IL10RB: variants seen among roughly 807,000 people sequenced by gnomAD.
IL10RB encodes the protein interleukin 10 receptor subunit beta, also known as interleukin-10 receptor subunit beta.
In IL10RB, 30 loss-of-function variants were observed where a neutral mutation model predicts 38.7. The ratio of observed to expected loss-of-function variants is 0.78; its 90% CI spans 0.58 to 1.05. The LOEUF is 1.05. Ranked by LOEUF, IL10RB falls within the 50% of genes least tolerant of loss-of-function variation. IL10RB has a pLI of 0.00. For missense variants in IL10RB, 328 were observed against 397.1 expected, an observed-to-expected ratio of 0.83 and a Z score of 1.48; for synonymous variants, 142 against 145.9, an observed-to-expected ratio of 0.97 and a Z score of 0.19.
At chr21:33,289,240 T>C (rs1989437064) in intron 6 of IL10RB, among the ~76,000 whole-genome samples, 2 of 152,142 alleles carry the variant, frequency 1.3e-5, no homozygotes, top group South Asian at 2.1e-4. Context: ...AGTGCCTCAT[T>C]CCTGAAGGCA....
intron 6 of IL10RB, among the ~76,000 whole-genome samples, chr21:33,290,762 G>A (rs1286246512): frequency 6.6e-6 from 1 of 152,222 alleles, no homozygotes; most frequent in Non-Finnish European, 1.5e-5. Context: ...GCTGGGTGGT[G>A]CAGGGTGGGA....
At chr21:33,303,350 CTTTT>C (rs11340111) in intron 1 of IL10RB, among the ~76,000 whole-genome samples, 195 of 109,944 alleles carry the variant, frequency 1.8e-3, no homozygotes, top group South Asian at 6.2e-3. Flanking sequence ...CTGTTACTTT[CTTTT>C]TTTTTTTTTT....
intron 1 of IL10RB, 136 bp downstream of exon 1, chr21:33,266,650 C>G (rs977914304): frequency 3.6e-6 from 3 of 842,286 alleles, no homozygotes; most frequent in Non-Finnish European, 5.5e-6. Flanking sequence ...GCAAACGCCA[C>G]GGCCGGCTGC....
downstream of IL10RB, among the ~76,000 whole-genome samples, chr21:33,298,646 T>G (rs2082977115): frequency 6.6e-6 from 1 of 152,154 alleles, no homozygotes; most frequent in Admixed American, 6.5e-5. Context: ...AATAAAAAAT[T>G]ATTTTTGAAA....
At chr21:33,276,784 A>G (rs1989179701) in intron 3 of IL10RB, 31 bp downstream of exon 3, 2 of 1,597,190 alleles carry the variant, frequency 1.3e-6, no homozygotes, top group Non-Finnish European at 1.7e-6. Context: ...TTTTTTTGTA[A>G]TGTCATCATC....
chr21:33,293,958 CA>C, intron 6 of IL10RB: 1 of 470,906 alleles, frequency 2.1e-6, no homozygotes, highest in East Asian at 6.9e-5. Flanking sequence ...AACTGAGAAC[CA>C]AAAGGAAACA....
At position 33,283,169 on chromosome 21, in the gene IL10RB, C is replaced by T. The variant is rs771531217; in HGVS notation, c.574C>T (p.Arg192Ter). ...EPWTTYCVQV[R>*]GFLPDRNKAG... ...ATGGACAACTTATTGTGTTCAAGTT[C>T]GAGGGTTTCTTCCTGATCGGAACAA... Residue 192 changes from arginine (R) to a stop codon, truncating the protein, a stop_gained, in exon 5 of 7, where the codon CGA (arginine) becomes TGA (stop). Coordinates refer to ENST00000290200, the MANE Select transcript of IL10RB (RefSeq NM_000628.5). LOFTEE classifies it high-confidence loss of function. The T allele has an allele frequency of 1.3e-5, 21 of 1,613,754 alleles. No homozygotes were observed. Among genetic ancestry groups the T allele is most frequent in the Admixed American group, 1.0e-4 (6 of 59,974 alleles).
In IL10RB at chr21:33,297,076, G is replaced by A. The variant is rs1058867; in HGVS notation, c.*719G>A. ...TTATGGATGGACTGATCTGAAAATC[G>A]ACCTCAACTCAAGGGTGGTCAGCTC... On this transcript the variant is annotated 3_prime_UTR_variant, in exon 7 of 7. Coordinates refer to ENST00000290200, the MANE Select transcript of IL10RB (RefSeq NM_000628.5). The A allele has an allele frequency of 0.54, 86,610 of 160,450 alleles. 24,635 individuals are homozygous for A. Among genetic ancestry groups the A allele is most frequent in the East Asian group, 0.74 (4,124 of 5,566 alleles). The allele number at this position is 160,450 out of a possible 1,614,324, so 9.9% of individuals were successfully genotyped here.
chr21:33,269,651 A>ATT (rs529634707), intron 2 of IL10RB, among the ~76,000 whole-genome samples: 88 of 137,302 alleles, frequency 6.4e-4, no homozygotes, highest in Middle Eastern at 4.0e-3. Context: ...AGATTCACCA[A>ATT]TTTTTTTTTT....
At chr21:33,275,152 CTTTT>C (rs71320298) in intron 2 of IL10RB, among the ~76,000 whole-genome samples, 9 of 102,282 alleles carry the variant, frequency 8.8e-5, no homozygotes, top group Admixed American at 5.4e-4. Flanking sequence ...TCCAACTTTT[CTTTT>C]TTTTTTTTTT....
intron 1 of IL10RB, among the ~76,000 whole-genome samples, chr21:33,307,303 C>A (rs144087748): frequency 6.6e-6 from 1 of 152,174 alleles, no homozygotes; most frequent in Non-Finnish European, 1.5e-5. Flanking sequence ...TCAAAGCAAC[C>A]ATAATACTAT....
chr21:33,304,275 C>A (rs533976505), intron 1 of IL10RB, among the ~76,000 whole-genome samples: 1 of 152,262 alleles, frequency 6.6e-6, no homozygotes, highest in East Asian at 1.9e-4. Context: ...CCACAGCAGT[C>A]TGGAGGAAAA....
At chr21:33,270,458 G>T (rs1388451228) in intron 2 of IL10RB, among the ~76,000 whole-genome samples, 1 of 150,772 alleles carries the variant, frequency 6.6e-6, no homozygotes, top group East Asian at 1.9e-4. Flanking sequence ...TCATCTCACT[G>T]CAACCTCCGC....
intron 1 of IL10RB, among the ~76,000 whole-genome samples, chr21:33,307,863 T>C (rs1192144204): frequency 1.3e-5 from 2 of 152,218 alleles, no homozygotes; most frequent in Non-Finnish European, 2.9e-5. Flanking sequence ...TTGTCCACAC[T>C]AGATTGTAGG....
intron 4 of IL10RB, among the ~76,000 whole-genome samples, chr21:33,282,874 G>C (rs1297594052): frequency 6.6e-6 from 1 of 152,132 alleles, no homozygotes; most frequent in Non-Finnish European, 1.5e-5. Flanking sequence ...TGTCATTTAA[G>C]CTGGAGAATT....
rs751359412 is a variant in IL10RB, at chr21:33,266,454, C to A, written c.-12C>A. The stretch of plus-strand genomic sequence containing the variant: ...TGCTTGGAGGAAGCCGCGGAACCCC[C>A]AGCGTCCGTCCATGGCGTGGAGCCT... On this transcript the variant is annotated 5_prime_UTR_variant, in exon 1 of 7. Coordinates refer to ENST00000290200, the MANE Select transcript of IL10RB (RefSeq NM_000628.5). 58 of 1,541,196 alleles carry A rather than the reference C, an allele frequency of 3.8e-5. No homozygotes were observed. The Middle Eastern group carries it at 8.9e-4, about 24-fold the overall frequency.
downstream of IL10RB, among the ~76,000 whole-genome samples, chr21:33,301,391 G>A (rs1297913507): frequency 1.3e-5 from 2 of 152,164 alleles, no homozygotes; most frequent in African/African-American, 4.8e-5. Flanking sequence ...TATTGGGCTG[G>A]CACTTTACGA....
rs762495022 is a variant in IL10RB at position 33,296,384 on chromosome 21, G to A, written c.*27G>A. 24 of 1,607,802 alleles carry A rather than the reference G, an allele frequency of 1.5e-5. No homozygotes were observed. In the South Asian group the frequency reaches 2.6e-4, roughly 18 times the overall value. ...CTCTGAGAAGGAAACACACTCGGCT[G>A]GGCACAGTGACGTACTCCATCTCAC... On this transcript the variant is annotated 3_prime_UTR_variant, in exon 7 of 7. Transcript: ENST00000290200.
intron 3 of IL10RB, among the ~76,000 whole-genome samples, chr21:33,277,668 CTTTTTTTTTTTT>C (rs1216043179): frequency 3.2e-5 from 3 of 92,984 alleles, no homozygotes; most frequent in East Asian, 6.2e-4. Flanking sequence ...TTCTTTCTTT[CTTTTTTTTTTTT>C]TTTTTTTTTG....
Sources: gnomAD v4.1 joint callset for allele counts (sites outside exome capture counted in the v4.1 genomes callset) on GRCh38, gnomAD v4.1.1 for gene constraint, MANE v1.5 for transcripts, NCBI Gene and HGNC (gene_info 2026-07-23, HGNC 2026-07-21) for gene names.